Variants in PLEKHH3 observed in about 807,000 individuals in gnomAD.
PLEKHH3 encodes pleckstrin homology, MyTH4 and FERM domain containing H3.
Under a neutral mutation model 77.8 loss-of-function variants are expected in PLEKHH3, and 57 were observed. The observed-to-expected ratio is 0.73, with a 90% confidence interval of 0.59 to 0.91. PLEKHH3 has a LOEUF of 0.91. Among genes scored for constraint, PLEKHH3 ranks in the 40% least tolerant of loss-of-function variants. The pLI is 0.00. For missense variants in PLEKHH3, 1,082 were observed against 1,091.2 expected (o/e 0.99, Z 0.12); for synonymous variants, 467 against 504.8 (o/e 0.93, Z 1.00).
Position 42,671,236 on chromosome 17 carries a change from C to A in PLEKHH3, c.1285-106G>T. On this transcript the variant is annotated intron_variant, in intron 8 of 12. Coordinates refer to ENST00000591022, the MANE Select transcript of PLEKHH3 (RefSeq NM_024927.5). This position sits in a 1 kb window ranked among gnomAD's most constrained non-coding sequence, Gnocchi z 4.7. The stretch of plus-strand genomic sequence containing the variant: ...CTTAGTCCTGTCACCACCACTCCCT[C>A]CCTTACCAAAATAATCTAGACTCGG... 5.9e-6 allele frequency: 9 copies of A among 1,524,740 alleles called. No individual in the cohort carries two copies. Among genetic ancestry groups the A allele is most frequent in the Non-Finnish European group, 8.0e-6 (9 of 1,128,568 alleles). 94.5% of individuals were successfully genotyped at this position (1,524,740 alleles called of 1,614,324 possible). A position where few individuals can be genotyped will look rare whatever the true frequency, so the allele number is the denominator to read the frequency against.
rs2052645763 is a variant in PLEKHH3 at position 42,669,905 on chromosome 17, T to TTCTCCCC, written c.2013+6_2013+12dup. 3 of 1,613,220 alleles carry TTCTCCCC rather than the reference T, an allele frequency of 1.9e-6. No individual in the cohort carries two copies. In the East Asian group the frequency reaches 6.7e-5, roughly 36 times the overall value. On this transcript the variant is annotated intron_variant, in intron 11 of 12. Coordinates refer to ENST00000591022, the MANE Select transcript of PLEKHH3 (RefSeq NM_024927.5). ...TGGGCCGCCAGAGTCCCCTTCTCCC[T>TTCTCCCC]TCTCCCCCTCACCGTGCTCAGCTCC...
chr17:42,673,418 A>G lies in PLEKHH3; in HGVS notation c.629T>C (p.Leu210Pro), dbSNP rs776286243. ...SKAPLETPTQ[L>P]LLRDIQESCG... ...GTGTACCTGTATGTCCCTGAGCAGT[A>G]GCTGGGTGGGGGTCTCCAGGGGTGC... Residue 210 changes from leucine (L) to proline (P), a missense_variant, in exon 5 of 13, where the codon CTA becomes CCA. This residue lies in a region of PLEKHH3 where 344 missense variants were observed against 320.8 expected (regional missense o/e 1.07). Coordinates refer to ENST00000591022, the MANE Select transcript of PLEKHH3 (RefSeq NM_024927.5). 6.2e-7 allele frequency: 1 copy of G among 1,613,474 alleles called. No homozygotes were observed. The highest frequency in any genetic ancestry group is 1.1e-5 in the South Asian group (1 of 91,078).
chr17:42,674,061 G>T lies in PLEKHH3; in HGVS notation c.219-48C>A, dbSNP rs748430231. 3 of 1,583,758 alleles carry T rather than the reference G, an allele frequency of 1.9e-6. No individual in the cohort carries two copies. The African/African-American group carries it at 4.0e-5, about 21-fold the overall frequency. On this transcript the variant is annotated intron_variant, in intron 2 of 12. Coordinates refer to ENST00000591022, the MANE Select transcript of PLEKHH3 (RefSeq NM_024927.5). ...TTGGGTCTCCACTCTGCCTCTAGGGGGCTCCTCTGTAGGGGCTCCCCAGAC... is the reference window on the plus strand; with the variant it reads ...TTGGGTCTCCACTCTGCCTCTAGGGTGCTCCTCTGTAGGGGCTCCCCAGAC...
Position 42,667,998 on chromosome 17 carries a change from C to T in PLEKHH3, c.*129G>A. The T allele has an allele frequency of 3.0e-6, 2 of 660,590 alleles. No individual in the cohort carries two copies. Among genetic ancestry groups the T allele is most frequent in the Non-Finnish European group, 4.3e-6 (2 of 465,896 alleles). The allele number at this position is 660,590 out of a possible 1,614,324, so 40.9% of individuals were successfully genotyped here. A position where few individuals can be genotyped will look rare whatever the true frequency, so the allele number is the denominator to read the frequency against. Reference sequence around the variant, plus strand: ...AACAAACTAGAAAATTACCCACACCCATTGTAGCCCTTGGGTGTGGGATGT... The same window carrying T: ...AACAAACTAGAAAATTACCCACACCTATTGTAGCCCTTGGGTGTGGGATGT... On this transcript the variant is annotated 3_prime_UTR_variant, in exon 13 of 13. Coordinates refer to ENST00000591022, the MANE Select transcript of PLEKHH3 (RefSeq NM_024927.5).
At position 42,673,630 on chromosome 17, in the gene PLEKHH3, C is replaced by T. The variant is rs1262429063; in HGVS notation, c.490+13G>A. ...CTGCCTAGGAAGGTAGGAGAGTCCC[C>T]AGGAGGTCTCACCTGTCTCCTTACG... On this transcript the variant is annotated intron_variant, in intron 4 of 12. Coordinates refer to ENST00000591022, the MANE Select transcript of PLEKHH3 (RefSeq NM_024927.5). 1 of 1,601,286 alleles carries T rather than the reference C, an allele frequency of 6.2e-7. No homozygotes were observed. Among genetic ancestry groups the T allele is most frequent in the African/African-American group, 1.3e-5 (1 of 74,872 alleles).
chr17:42,673,899 G>T (rs2052761997), intron 3 of PLEKHH3, 35 bp downstream of exon 3: 1 of 1,611,210 alleles, frequency 6.2e-7, no homozygotes, highest in African/African-American at 1.3e-5. Flanking sequence ...GGTTGGGATT[G>T]GGGGCCTCCA....
At chr17:42,672,519 T>A in intron 6 of PLEKHH3, 127 bp from the exon 7 acceptor site, 9 of 751,070 alleles carry the variant, frequency 1.2e-5, no homozygotes, top group Non-Finnish European at 1.9e-5. Flanking sequence ...GAGGGGAGGG[T>A]ACGAACGACA....
Position 42,669,976 on chromosome 17 carries a change from A to G in PLEKHH3, c.1955T>C (p.Leu652Pro), listed in dbSNP as rs907287176. Residue 652 changes from leucine to proline, a missense_variant, in exon 11 of 13, where the codon CTG becomes CCG. By Grantham distance (98) the Leu-to-Pro change is moderately conservative. Transcript: ENST00000591022. ...GCCGAACCCCGGACACTGCGCCGCC[A>G]GGGCCAGGTAGGCGGCCATGGCCTC... ...RAEAMAAYLA[L>P]AAQCPGFGAA... is the part of the protein sequence containing the mutation. 3 of 1,611,604 alleles carry G rather than the reference A, an allele frequency of 1.9e-6. No individual in the cohort carries two copies. Among genetic ancestry groups the G allele is most frequent in the Admixed American group, 3.3e-5 (2 of 59,934 alleles).
At chr17:42,675,285 T>C (rs1163126350) in intron 1 of PLEKHH3, among the ~76,000 whole-genome samples, 1 of 151,934 alleles carries the variant, frequency 6.6e-6, no homozygotes, top group Non-Finnish European at 1.5e-5. Flanking sequence ...GTCCCCAGGC[T>C]CAGGGAAGGG....
At position 42,673,824 on chromosome 17, in the gene PLEKHH3, G is replaced by A. The variant is rs980819370; in HGVS notation, c.309C>T (p.Tyr103=). Residue 103 remains tyrosine (Y), a synonymous_variant, in exon 4 of 13, where the codon TAC becomes TAT. Coordinates refer to ENST00000591022, the MANE Select transcript of PLEKHH3 (RefSeq NM_024927.5). Reference sequence around the variant, plus strand: ...GCGCCCCTCCTCCGCGGGGCTCCCGGTACAGCCAACCTGGGGGCCGGAGAG... The same window carrying A: ...GCGCCCCTCCTCCGCGGGGCTCCCGATACAGCCAACCTGGGGGCCGGAGAG... The part of the protein sequence containing the change: ...DPDIVVKGWL[Y]REPRGGGARP... The A allele has an allele frequency of 1.9e-6, 3 of 1,593,608 alleles. No homozygotes were observed. The highest frequency in any genetic ancestry group is 2.6e-6 in the Non-Finnish European group (3 of 1,174,382).
At chr17:42,669,706 G>C (rs1283035281) in intron 11 of PLEKHH3, 85 bp from the exon 12 acceptor site, 1 of 1,471,746 alleles carries the variant, frequency 6.8e-7, no homozygotes, top group Non-Finnish European at 9.2e-7. Context: ...GTGAGCAGGA[G>C]TATCCTGATC....
chr17:42,667,927 G>A lies in PLEKHH3; in HGVS notation c.*200C>T. ...CCACAGGAAGGGTTTGTGTAAATAA[G>A]AAACTTTTTTTTTTTTTTTGCTTCT... On this transcript the variant is annotated 3_prime_UTR_variant, in exon 13 of 13. Coordinates refer to ENST00000591022, the MANE Select transcript of PLEKHH3 (RefSeq NM_024927.5). The A allele has an allele frequency of 2.4e-6, 1 of 414,164 alleles. No individual in the cohort carries two copies. Among genetic ancestry groups the A allele is most frequent in the East Asian group, 3.9e-5 (1 of 25,694 alleles). The allele number at this position is 414,164 out of a possible 1,614,324, so 25.7% of individuals were successfully genotyped here. A position where few individuals can be genotyped will look rare whatever the true frequency, so the allele number is the denominator to read the frequency against.
intron 2 of PLEKHH3, 122 bp from the exon 3 acceptor site, chr17:42,674,135 GA>G (rs1445472566): frequency 8.5e-7 from 1 of 1,172,698 alleles, no homozygotes. Flanking sequence ...CAGGCTGTGG[GA>G]ACCGCTGGGC....
rs1366751170 is a variant in PLEKHH3 at position 42,673,706 on chromosome 17, C to G, written c.427G>C (p.Gly143Arg). 15 of 1,601,322 alleles carry G rather than the reference C, an allele frequency of 9.4e-6. No individual in the cohort carries two copies. The highest frequency in any genetic ancestry group is 1.3e-5 in the African/African-American group (1 of 74,902). The change falls in exon 4 of 13, where the codon GGG becomes CGG. Residue 143 changes from glycine to arginine, a missense_variant. Transcript: ENST00000591022. ...SSSGKGARRL[G>R]SLVLTSLCSV... Reference sequence around the variant, plus strand: ...CACAGGCTGGTGAGCACGAGGCTCCCGAGACGCCGCGCCCCTTTCCCGCTG... The same window carrying G: ...CACAGGCTGGTGAGCACGAGGCTCCGGAGACGCCGCGCCCCTTTCCCGCTG...
At chr17:42,675,497 GC>G (rs1407140344) in intron 1 of PLEKHH3, among the ~76,000 whole-genome samples, 5 of 152,228 alleles carry the variant, frequency 3.3e-5, no homozygotes, top group Admixed American at 2.6e-4. Flanking sequence ...TAATCGCAGT[GC>G]CCTGCTTCCC....
chr17:42,669,440 T>C lies in PLEKHH3; in HGVS notation c.2195A>G (p.Gln732Arg). Reference protein sequence around the residue: ...LRVGESQLLLQSPQVEEIMQL... With the variant: ...LRVGESQLLLRSPQVEEIMQL... The stretch of plus-strand genomic sequence containing the variant: ...CCTCTTCTCACTCACCTGGGGGCTC[T>C]GCAGGAGGAGCTGGCTCTCTCCCAC... Residue 732 changes from glutamine to arginine, a missense_variant, in exon 12 of 13, where the codon CAG becomes CGG. Gln to Arg is a conservative substitution (Grantham distance 43, BLOSUM62 1). Transcript: ENST00000591022. 6.5e-7 allele frequency: 1 copy of C among 1,546,378 alleles called. No individual in the cohort carries two copies.
chr17:42,676,957 CG>C lies in PLEKHH3; in HGVS notation c.-395del. ...GGTAGGGCGTCCGGTGGCCGGGGCC[CG>C]GGCCGCGCGCGCTGCGCTCCCTGCA... On this transcript the variant is annotated 5_prime_UTR_variant, in exon 1 of 13. Coordinates refer to ENST00000591022, the MANE Select transcript of PLEKHH3 (RefSeq NM_024927.5). The surrounding 1 kb of genome is among the most constrained non-coding windows in gnomAD (Gnocchi z 6.6). 1 of 175,978 alleles carries C rather than the reference CG, an allele frequency of 5.7e-6. No homozygotes were observed. Among genetic ancestry groups the C allele is most frequent in the South Asian group, 1.2e-4 (1 of 8,248 alleles). 10.9% of individuals were successfully genotyped at this position (175,978 alleles called of 1,614,324 possible). A position where few individuals can be genotyped will look rare whatever the true frequency, so the allele number is the denominator to read the frequency against.
chr17:42,670,788 T>C (rs1045589979), intron 9 of PLEKHH3, 83 bp from the exon 10 acceptor site: 1 of 1,522,184 alleles, frequency 6.6e-7, no homozygotes, highest in South Asian at 1.2e-5. Context: ...CGGGGCCATG[T>C]GTTTGGGGCG....
At position 42,673,753 on chromosome 17, in the gene PLEKHH3, TC is replaced by T. The variant is rs2052756931; in HGVS notation, c.379del (p.Asp127ThrfsTer27). 6.3e-7 allele frequency: 1 copy of T among 1,598,380 alleles called. No individual in the cohort carries two copies. ...GCTGCTGCTGAACTGATCCAGGGAG[TC>T]CCGCGTGAGCACAAACCAGGCTCGG... ...PRRAWFVLTR[D>X]SLDQFSSSGK... On this transcript the variant is annotated frameshift_variant, in exon 4 of 13. Coordinates refer to ENST00000591022, the MANE Select transcript of PLEKHH3 (RefSeq NM_024927.5). LOFTEE classifies it high-confidence loss of function.
Sources: gnomAD v4.1 joint callset for allele counts (sites outside exome capture counted in the v4.1 genomes callset) on GRCh38, gnomAD v4.1.1 for gene constraint, gnomAD v4.1.1 regional missense constraint, Gnocchi (gnomAD v3.1) non-coding constraint, MANE v1.5 for transcripts, NCBI Gene and HGNC (gene_info 2026-07-23, HGNC 2026-07-21) for gene names.